The following SCHIP1 variants were observed in gnomAD, a reference collection of about 807,000 sequenced individuals.
SCHIP1 encodes the protein schwannomin-interacting protein 1.
Under a neutral mutation model 29.7 loss-of-function variants are expected in SCHIP1, and 8 were observed. The ratio of observed to expected loss-of-function variants is 0.27; its 90% CI spans 0.16 to 0.49. SCHIP1 has a LOEUF of 0.49. Ranked by LOEUF, SCHIP1 falls within the 20% of genes least tolerant of loss-of-function variation. The pLI is 0.99. For missense variants in SCHIP1, 193 were observed against 294.6 expected, an observed-to-expected ratio of 0.66 and a Z score of 2.52; for synonymous variants, 76 against 94.9, an observed-to-expected ratio of 0.80 and a Z score of 1.16.
the SCHIP1 span, among the ~76,000 whole-genome samples, chr3:159,383,147 A>T: frequency 6.7e-6 from 1 of 149,842 alleles, no homozygotes; most frequent in Non-Finnish European, 1.5e-5. Flanking sequence ...TTTTGTTGCC[A>T]TTGCTTTTGG....
At chr3:159,674,584 T>A in the SCHIP1 span, among the ~76,000 whole-genome samples, 6 of 113,500 alleles carry the variant, frequency 5.3e-5, no homozygotes, top group Admixed American at 1.2e-4. Context: ...TGTTCTTACA[T>A]ATAGGGTCAG....
chr3:159,813,695 AAAG>A, the SCHIP1 span, among the ~76,000 whole-genome samples: 23 of 152,210 alleles, frequency 1.5e-4, no homozygotes, highest in East Asian at 9.6e-4. Flanking sequence ...CTCAAAAAAA[AAAG>A]AAGAAGAAGA....
chr3:159,760,235 G>A, the SCHIP1 span, among the ~76,000 whole-genome samples: 2 of 152,172 alleles, frequency 1.3e-5, no homozygotes, highest in African/African-American at 4.8e-5. Flanking sequence ...TGTGAGCAAA[G>A]GGGAACAGCT....
the SCHIP1 span, among the ~76,000 whole-genome samples, chr3:159,408,941 A>G: frequency 2.6e-5 from 4 of 152,190 alleles, no homozygotes; most frequent in South Asian, 4.1e-4. Flanking sequence ...CATTCATTAT[A>G]ACCAGGTGGG....
At chr3:159,637,846 T>C in the SCHIP1 span, among the ~76,000 whole-genome samples, 10 of 152,226 alleles carry the variant, frequency 6.6e-5, no homozygotes. Context: ...TTCTATAATA[T>C]TTAAAATTTC....
At chr3:159,472,717 A>G in the SCHIP1 span, among the ~76,000 whole-genome samples, 1 of 152,216 alleles carries the variant, frequency 6.6e-6, no homozygotes, top group Non-Finnish European at 1.5e-5. Context: ...CATCTATGCC[A>G]AAGGAAATTG....
the SCHIP1 span, among the ~76,000 whole-genome samples, chr3:159,680,568 G>GTA: frequency 9.2e-6 from 1 of 108,284 alleles, no homozygotes; most frequent in African/African-American, 3.7e-5. Flanking sequence ...TATAATATAT[G>GTA]TATAATATAT....
the SCHIP1 span, among the ~76,000 whole-genome samples, chr3:159,397,397 C>T: frequency 1.3e-5 from 2 of 152,196 alleles, no homozygotes; most frequent in Non-Finnish European, 2.9e-5. Flanking sequence ...GAGAGGCGCT[C>T]TGCTTTTTAG....
chr3:159,686,118 G>C, the SCHIP1 span, among the ~76,000 whole-genome samples: 3 of 152,166 alleles, frequency 2.0e-5, no homozygotes, highest in African/African-American at 7.2e-5. Context: ...AACACAAAAG[G>C]CTACACCAGA....
At chr3:159,859,530 C>T (rs1713789904) in intron 1 of SCHIP1, among the ~76,000 whole-genome samples, 1 of 152,234 alleles carries the variant, frequency 6.6e-6, no homozygotes, top group African/African-American at 2.4e-5. Context: ...ATCCCAGTTA[C>T]GTTCCCTGGC....
chr3:159,417,650 A>G, the SCHIP1 span, among the ~76,000 whole-genome samples: 1 of 152,196 alleles, frequency 6.6e-6, no homozygotes, highest in East Asian at 1.9e-4. Context: ...CTCTGCAATG[A>G]TGGCCCTAAT....
At chr3:159,396,690 G>T in the SCHIP1 span, among the ~76,000 whole-genome samples, 6 of 152,238 alleles carry the variant, frequency 3.9e-5, no homozygotes, top group South Asian at 2.1e-4. Flanking sequence ...TGAGAGATCC[G>T]CTGTTAGTCT....
the SCHIP1 span, among the ~76,000 whole-genome samples, chr3:159,330,723 A>G: frequency 6.6e-6 from 1 of 152,244 alleles, no homozygotes; most frequent in Non-Finnish European, 1.5e-5. Context: ...TAAATTGATT[A>G]CATAACTATA....
chr3:159,447,439 T>G, the SCHIP1 span, among the ~76,000 whole-genome samples: 54 of 152,050 alleles, frequency 3.6e-4, 1 homozygote, highest in South Asian at 8.3e-4. Context: ...AGTAAAAAGG[T>G]CTTCAAATTA....
At chr3:159,682,705 C>G in the SCHIP1 span, among the ~76,000 whole-genome samples, 1 of 152,174 alleles carries the variant, frequency 6.6e-6, no homozygotes, top group Non-Finnish European at 1.5e-5. Context: ...CCTACCTGAT[C>G]TAGGTCCCTT....
the SCHIP1 span, among the ~76,000 whole-genome samples, chr3:159,716,837 G>C: frequency 1.3e-5 from 2 of 152,104 alleles, no homozygotes; most frequent in African/African-American, 4.8e-5. Flanking sequence ...CAACGAGACA[G>C]AAAGTTAAAA....
At chr3:159,498,500 A>G in the SCHIP1 span, among the ~76,000 whole-genome samples, 1 of 152,188 alleles carries the variant, frequency 6.6e-6, no homozygotes, top group Non-Finnish European at 1.5e-5. Context: ...TTTCTCCTTG[A>G]CGTAAGCAAT....
At chr3:159,871,959 T>C (rs1381871092) in intron 2 of SCHIP1, among the ~76,000 whole-genome samples, 3 of 152,168 alleles carry the variant, frequency 2.0e-5, no homozygotes, top group Non-Finnish European at 4.4e-5. Context: ...TACTTTCAGC[T>C]GTATCTGAGC....
the SCHIP1 span, among the ~76,000 whole-genome samples, chr3:159,347,682 G>A: frequency 3.3e-5 from 5 of 152,178 alleles, no homozygotes; most frequent in East Asian, 1.9e-4. Context: ...AATACTCCAG[G>A]TTTTTTGGAC....
Sources: allele counts gnomAD v4.1 joint callset (sites outside exome capture counted in the v4.1 genomes callset), GRCh38; gene constraint gnomAD v4.1.1; transcripts MANE v1.5; gene names NCBI Gene and HGNC (gene_info 2026-07-23, HGNC 2026-07-21).